The following TUT4 variants were observed in gnomAD, a reference collection of about 807,000 sequenced individuals.
TUT4 encodes the protein terminal uridylyltransferase 4.
TUT4 carries 36 observed loss-of-function variants against 192.2 expected under a neutral mutation model. That is an observed-to-expected ratio of 0.19 (90% CI 0.14 to 0.25). The LOEUF (loss-of-function observed/expected upper bound fraction) is 0.25. Ranked by LOEUF, TUT4 falls within the 10% of genes least tolerant of loss-of-function variation. TUT4 has a pLI of 1.00. For synonymous variants in TUT4, 618 were observed against 666.0 expected (o/e 0.93, Z 1.11); for missense variants, 1,493 against 1,957.2 (o/e 0.76, Z 4.47).
intron 4 of TUT4, among the ~76,000 whole-genome samples, chr1:52,508,913 TTTC>T (rs1449036973): frequency 6.6e-6 from 1 of 152,162 alleles, no homozygotes; most frequent in African/African-American, 2.4e-5. Context: ...AGCTTATAAG[TTTC>T]TTAATTGTCT....
intron 1 of TUT4, among the ~76,000 whole-genome samples, chr1:52,531,366 A>G (rs1256034847): frequency 1.3e-5 from 2 of 152,044 alleles, no homozygotes; most frequent in African/African-American, 4.8e-5. Flanking sequence ...GGGGGGCCAC[A>G]CTTAATGAAC....
At chr1:52,503,230 T>A (rs1674647207) in intron 4 of TUT4, among the ~76,000 whole-genome samples, 1 of 152,170 alleles carries the variant, frequency 6.6e-6, no homozygotes. Flanking sequence ...GGAACAACTA[T>A]ATGCCAGGTA....
At chr1:52,511,964 G>A (rs1316946827) in intron 3 of TUT4, among the ~76,000 whole-genome samples, 2 of 151,716 alleles carry the variant, frequency 1.3e-5, no homozygotes, top group Admixed American at 6.5e-5. Flanking sequence ...AGGTGAGAGT[G>A]GTGAAGGTGG....
intron 16 of TUT4, 153 bp from the exon 17 acceptor site, chr1:52,461,922 G>T: frequency 2.0e-6 from 1 of 502,516 alleles, no homozygotes; most frequent in Non-Finnish European, 3.5e-6. Context: ...TAGACCTACA[G>T]TATCAGCATA....
chr1:52,477,229 A>C (rs956031625), intron 12 of TUT4, among the ~76,000 whole-genome samples: 1 of 152,188 alleles, frequency 6.6e-6, no homozygotes, highest in Admixed American at 6.5e-5. Context: ...GAAATCTTTA[A>C]ATAAATACTA....
rs1662948745 is a variant in TUT4 at position 52,462,657 on chromosome 1, A to G, written c.3070-888T>C. On this transcript the variant is annotated intron_variant, in intron 16 of 29. Coordinates refer to ENST00000257177, the MANE Select transcript of TUT4 (RefSeq NM_001009881.3). ...TAAAGCACTCAGCAGAATGCCTGGC[A>G]CAAAATAAGCCTTTAAATCTGTGAG... is the stretch of plus-strand genomic sequence containing the variant. 2.0e-5 allele frequency: 19 copies of G among 943,850 alleles called. No individual in the cohort carries two copies. The South Asian group carries it at 9.3e-4, about 46-fold the overall frequency. The allele number at this position is 943,850 out of a possible 1,614,324, so 58.5% of individuals were successfully genotyped here. A position where few individuals can be genotyped will look rare whatever the true frequency, so the allele number is the denominator to read the frequency against.
chr1:52,524,981 A>G (rs181202731), intron 2 of TUT4, among the ~76,000 whole-genome samples: 1 of 152,284 alleles, frequency 6.6e-6, no homozygotes, highest in Admixed American at 6.5e-5. Context: ...AGTAATACTC[A>G]GTCTCACAAT....
intron 1 of TUT4, among the ~76,000 whole-genome samples, chr1:52,551,317 ATTATT>A (rs1324760989): frequency 2.0e-5 from 3 of 152,146 alleles, no homozygotes; most frequent in African/African-American, 7.2e-5. Context: ...CCATTTCTGA[ATTATT>A]TTAAGAAAAC....
rs772191151 is a variant in TUT4 at position 52,495,411 on chromosome 1, G to T, written c.1266+16C>A. The T allele has an allele frequency of 9.3e-6, 14 of 1,507,042 alleles. No individual in the cohort carries two copies. In the Admixed American group the frequency reaches 2.4e-4, roughly 26 times the overall value. The allele number at this position is 1,507,042 out of a possible 1,614,324, so 93.4% of individuals were successfully genotyped here. A position where few individuals can be genotyped will look rare whatever the true frequency, so the allele number is the denominator to read the frequency against. ...TACTAGTTAAGAACCACACAGGAAAGATTCTAATTACTTACCTTGGGAGGA... is the reference window on the plus strand; with the variant it reads ...TACTAGTTAAGAACCACACAGGAAATATTCTAATTACTTACCTTGGGAGGA... On this transcript the variant is annotated intron_variant, in intron 6 of 29. Coordinates refer to ENST00000257177, the MANE Select transcript of TUT4 (RefSeq NM_001009881.3).
At chr1:52,451,937 A>G (rs983823602) in intron 20 of TUT4, among the ~76,000 whole-genome samples, 1 of 152,070 alleles carries the variant, frequency 6.6e-6, no homozygotes, top group Non-Finnish European at 1.5e-5. Context: ...TGAATCAATA[A>G]TTAATAACCA....
chr1:52,433,051 G>A (rs1404689719), intron 27 of TUT4: 1 of 152,334 alleles, frequency 6.6e-6, no homozygotes, highest in East Asian at 1.9e-4. Flanking sequence ...AACAGGGATA[G>A]AGGGAAGCAA....
intron 1 of TUT4, among the ~76,000 whole-genome samples, chr1:52,530,680 G>A (rs1040785043): frequency 6.6e-6 from 1 of 152,054 alleles, no homozygotes; most frequent in Non-Finnish European, 1.5e-5. Context: ...TCCTAGAAAC[G>A]AAGTTCTCTC....
chr1:52,491,665 C>T (rs1460222608), intron 7 of TUT4, among the ~76,000 whole-genome samples: 4 of 152,086 alleles, frequency 2.6e-5, no homozygotes, highest in Non-Finnish European at 1.5e-5. Context: ...CCCACTTCAG[C>T]CTGAGCGAGA....
In TUT4 at chr1:52,461,495, C is replaced by T. The variant is rs185603079; in HGVS notation, c.3231+18G>A. The T allele has an allele frequency of 5.6e-6, 9 of 1,596,782 alleles. No homozygotes were observed. In the African/African-American group the frequency reaches 9.4e-5, roughly 17 times the overall value. ...TTAAAATGAAAAGTATATACATGGC[C>T]TATAAAGATAAACTTACCAACGTAT... On this transcript the variant is annotated intron_variant, in intron 18 of 29. Coordinates refer to ENST00000257177, the MANE Select transcript of TUT4 (RefSeq NM_001009881.3).
chr1:52,540,335 C>T (rs11205969), intron 1 of TUT4, among the ~76,000 whole-genome samples: 4,998 of 151,546 alleles, frequency 0.033, 197 homozygotes, highest in African/African-American at 0.097. Context: ...GGCAACACAG[C>T]GAAACCCCAT....
Position 52,495,471 on chromosome 1 carries a change from G to A in TUT4, c.1222C>T (p.Leu408=), listed in dbSNP as rs755593575. 6.2e-7 allele frequency: 1 copy of A among 1,611,080 alleles called. No homozygotes were observed. Among genetic ancestry groups the A allele is most frequent in the African/African-American group, 1.3e-5 (1 of 74,880 alleles). Residue 408 remains leucine (L), a synonymous_variant, in exon 6 of 30, where the codon CTG becomes TTG. Coordinates refer to ENST00000257177, the MANE Select transcript of TUT4 (RefSeq NM_001009881.3). ...TCTATATTAACATCACTACTTTTCA[G>A]AGCAAATCTAGTCAGAGATGAGCCA... ...LYGSSLTRFA[L]KSSDVNIDIK...
intron 2 of TUT4, among the ~76,000 whole-genome samples, chr1:52,517,401 A>G (rs74772152): frequency 0.012 from 1,835 of 152,326 alleles, 48 homozygotes; most frequent in African/African-American, 0.043. Context: ...ATCATCAACA[A>G]ATCTCTCCAT....
chr1:52,498,902 T>TA (rs1491516562), intron 4 of TUT4, among the ~76,000 whole-genome samples: 6 of 23,304 alleles, frequency 2.6e-4, no homozygotes, highest in Non-Finnish European at 4.4e-4. Flanking sequence ...AAAAAAAAAA[T>TA]TATATATATA....
intron 24 of TUT4, among the ~76,000 whole-genome samples, chr1:52,439,444 C>T (rs1654846685): frequency 6.6e-6 from 1 of 152,206 alleles, no homozygotes; most frequent in African/African-American, 2.4e-5. Flanking sequence ...TTGCACCTTG[C>T]TTATCCTTCT....
Sources: gnomAD v4.1 joint callset for allele counts (sites outside exome capture counted in the v4.1 genomes callset) on GRCh38, gnomAD v4.1.1 for gene constraint, MANE v1.5 for transcripts, NCBI Gene and HGNC (gene_info 2026-07-23, HGNC 2026-07-21) for gene names.